The following MILR1 variants were observed in gnomAD, a reference collection of about 807,000 sequenced individuals.
MILR1 encodes the protein allergin-1.
MILR1 carries 31 observed loss-of-function variants against 18.5 expected under a neutral mutation model. The observed-to-expected ratio is 1.68, with a 90% confidence interval of 1.26 to 2.26. MILR1 has a LOEUF of 2.26. Ranked by LOEUF, MILR1 falls within the 30% of genes most tolerant of loss-of-function variation. MILR1 has a pLI of 0.00. For missense variants in MILR1, 257 were observed against 157.4 expected, an observed-to-expected ratio of 1.63 and a Z score of -3.38; for synonymous variants, 85 against 56.2, an observed-to-expected ratio of 1.51 and a Z score of -2.30.
At chr17:64,466,065 G>GGGT (rs1294539815) in intron 6 of MILR1, among the ~76,000 whole-genome samples, 1 of 152,158 alleles carries the variant, frequency 6.6e-6, no homozygotes, top group African/African-American at 2.4e-5. Context: ...TTACAATCAT[G>GGGT]GTGGAAGGGG....
At position 64,455,409 on chromosome 17, in the gene MILR1, C is replaced by G. The variant is rs1179418751; in HGVS notation, c.368-1991C>G. 1.1e-4 allele frequency among the ~76,000 whole-genome samples: 16 copies of G among 152,124 alleles called. 1 individual carries two copies. Among genetic ancestry groups the G allele is most frequent in the Admixed American group, 8.5e-4 (13 of 15,262 alleles). On this transcript the variant is annotated intron_variant, in intron 3 of 9. Transcript: ENST00000619286. ...GTCTCCAACCCAGTAAGGGTTGAAA[C>G]TATGAGCCATAAACACAAATTCATT...
intron 9 of MILR1, 123 bp downstream of exon 9, chr17:64,467,768 C>G: frequency 1.8e-6 from 1 of 559,402 alleles, no homozygotes. Context: ...AACCCCATCT[C>G]TACTAAAAAT....
At chr17:64,451,465 T>C (rs1321200141) in intron 2 of MILR1, among the ~76,000 whole-genome samples, 1 of 152,020 alleles carries the variant, frequency 6.6e-6, no homozygotes, top group Non-Finnish European at 1.5e-5. Context: ...TTTGTACCAA[T>C]CTGATGAGTG....
chr17:64,464,977 A>T (rs2037518646), intron 5 of MILR1, among the ~76,000 whole-genome samples: 1 of 152,110 alleles, frequency 6.6e-6, no homozygotes. Context: ...AATCCCAGCT[A>T]CTCGGGAGGC....
chr17:64,485,481 ATAGCT>A, the MILR1 span: 1 of 496,618 alleles, frequency 2.0e-6, no homozygotes, highest in Non-Finnish European at 3.6e-6. Context: ...AGTCATAGAG[ATAGCT>A]GTCTGTTCAC....
chr17:64,484,127 A>G, the MILR1 span: 1 of 152,212 alleles, frequency 6.6e-6, no homozygotes, highest in Non-Finnish European at 1.5e-5. Flanking sequence ...GGAGAAACAG[A>G]CAATAAAAAT....
intron 3 of MILR1, among the ~76,000 whole-genome samples, chr17:64,454,956 G>A (rs2037257404): frequency 6.6e-6 from 1 of 152,138 alleles, no homozygotes; most frequent in Admixed American, 6.5e-5. Context: ...AGCTGTGATT[G>A]CACCACTGCA....
the MILR1 span, chr17:64,491,807 C>G: frequency 7.9e-6 from 4 of 509,094 alleles, no homozygotes; most frequent in Admixed American, 1.1e-4. Context: ...ATGCTCTGCA[C>G]TCCCCCAGCA....
chr17:64,497,010 G>T, the MILR1 span: 9 of 1,559,472 alleles, frequency 5.8e-6, no homozygotes, highest in Non-Finnish European at 7.9e-6. Flanking sequence ...ATCACTCAAC[G>T]GATCCCAACA....
In MILR1 at chr17:64,452,530, G is replaced by A. The variant is rs2144006763; in HGVS notation, c.98-67G>A. 4 of 411,898 alleles carry A rather than the reference G, an allele frequency of 9.7e-6. No individual in the cohort carries two copies. The East Asian group carries it at 1.4e-4, about 15-fold the overall frequency. The allele number at this position is 411,898 out of a possible 1,614,324, so 25.5% of individuals were successfully genotyped here. ...GGCCGCCCAAAGTGCTGGGATTACAGGCGTGAACCACCTTGCCCGGCCAGG... is the reference window on the plus strand; with the variant it reads ...GGCCGCCCAAAGTGCTGGGATTACAAGCGTGAACCACCTTGCCCGGCCAGG... On this transcript the variant is annotated intron_variant, in intron 2 of 9. Transcript: ENST00000619286.
chr17:64,484,413 C>T, the MILR1 span, among the ~76,000 whole-genome samples: 1 of 152,154 alleles, frequency 6.6e-6, no homozygotes, highest in Non-Finnish European at 1.5e-5. Flanking sequence ...GTCAGTGCTG[C>T]TGGAGCAGAC....
the MILR1 span, chr17:64,496,526 A>G: frequency 6.2e-7 from 1 of 1,613,698 alleles, no homozygotes; most frequent in Non-Finnish European, 8.5e-7. Context: ...TTCTGCAGAA[A>G]CTAACCTGAA....
intron 8 of MILR1, among the ~76,000 whole-genome samples, chr17:64,466,878 G>A (rs1435180732): frequency 6.6e-6 from 1 of 152,150 alleles, no homozygotes; most frequent in African/African-American, 2.4e-5. Context: ...GTGGGGGAAT[G>A]TCATAGAAAA....
Position 64,452,213 on chromosome 17 carries a change from T to G in MILR1, c.98-384T>G, listed in dbSNP as rs2037190103. 2.0e-5 allele frequency among the ~76,000 whole-genome samples: 3 copies of G among 151,428 alleles called. No individual in the cohort carries two copies. The South Asian group carries it at 6.3e-4, about 32-fold the overall frequency. On this transcript the variant is annotated intron_variant, in intron 2 of 9. Coordinates refer to ENST00000619286, the MANE Select transcript of MILR1 (RefSeq NM_001085423.2). ...ACAGCCTCCCAAAGTGCTAGGATTA[T>G]AGGCGTCAACCACCACACCCAACTT...
Position 64,449,294 on chromosome 17 carries a change from G to A in MILR1, c.56-20G>A, listed in dbSNP as rs1404341965. ...TGTCATGTGGAAAGTGAGCTTTATC[G>A]TGTTCCTTTTCTGTTTCAGGTAGAA... On this transcript the variant is annotated intron_variant, in intron 1 of 9. Transcript: ENST00000619286. 18 of 473,476 alleles carry A rather than the reference G, an allele frequency of 3.8e-5. No homozygotes were observed. The highest frequency in any genetic ancestry group is 1.2e-4 in the African/African-American group (6 of 50,490). The allele number at this position is 473,476 out of a possible 1,614,324, so 29.3% of individuals were successfully genotyped here. A position where few individuals can be genotyped will look rare whatever the true frequency, so the allele number is the denominator to read the frequency against.
intron 2 of MILR1, 127 bp from the exon 3 acceptor site, chr17:64,452,470 A>G (rs1242668797): frequency 2.5e-6 from 1 of 400,050 alleles, no homozygotes; most frequent in Non-Finnish European, 4.5e-6. Context: ...CCAGACTGGT[A>G]TCAAACTCAT....
chr17:64,452,082 GTT>G lies in MILR1; in HGVS notation c.98-501_98-500del, dbSNP rs34558703. ...CAAGCCATCCATTGGTCCCAGCTAT[GTT>G]TTTTTTTTTTTTTGTTCTGTTTTGT... On this transcript the variant is annotated intron_variant, in intron 2 of 9. Coordinates refer to ENST00000619286, the MANE Select transcript of MILR1 (RefSeq NM_001085423.2). Among the ~76,000 whole-genome samples, 864 of 137,192 alleles carry G rather than the reference GTT, an allele frequency of 6.3e-3. 9 individuals are homozygous for G. Among genetic ancestry groups the G allele is most frequent in the African/African-American group, 0.022 (827 of 37,854 alleles). 90.0% of individuals were successfully genotyped at this position (137,192 alleles called of 152,430 possible).
At chr17:64,473,659 T>G in the MILR1 span, among the ~76,000 whole-genome samples, 2 of 152,182 alleles carry the variant, frequency 1.3e-5, no homozygotes, top group African/African-American at 4.8e-5. Context: ...ACCACACCAG[T>G]AGGAGAAATA....
chr17:64,494,784 TTTTA>T, the MILR1 span, among the ~76,000 whole-genome samples: 1 of 152,158 alleles, frequency 6.6e-6, no homozygotes, highest in East Asian at 1.9e-4. Context: ...ATTCTTTGCT[TTTTA>T]GCACCATAAA....
Sources: allele counts gnomAD v4.1 joint callset (sites outside exome capture counted in the v4.1 genomes callset), GRCh38; gene constraint gnomAD v4.1.1; transcripts MANE v1.5; gene names NCBI Gene and HGNC (gene_info 2026-07-23, HGNC 2026-07-21).